PARD3B: variants seen among roughly 807,000 people sequenced by gnomAD.
PARD3B encodes partitioning defective 3 homolog B.
A neutral mutation model predicts 130.2 loss-of-function variants in PARD3B; 103 were observed. That is an observed-to-expected ratio of 0.79 (90% CI 0.67 to 0.93). The LOEUF (loss-of-function observed/expected upper bound fraction) is 0.93. Among genes scored for constraint, PARD3B ranks in the 40% least tolerant of loss-of-function variants. The probability of loss-of-function intolerance (pLI) is 0.00; values close to 1 mark genes in which losing one functional copy is unlikely to be tolerated. For missense variants in PARD3B, 1,609 were observed against 1,499.2 expected (o/e 1.07, Z -1.21); for synonymous variants, 583 against 553.2 (o/e 1.05, Z -0.76).
chr2:204,902,668 C>CAAAAA (rs5837941), intron 2 of PARD3B, among the ~76,000 whole-genome samples: 42 of 67,628 alleles, frequency 6.2e-4, no homozygotes, highest in African/African-American at 1.5e-3. Context: ...GACTCTGTCT[C>CAAAAA]AAAAAAAAAA....
At chr2:204,739,131 G>C (rs1416376923) in intron 2 of PARD3B, among the ~76,000 whole-genome samples, 1 of 152,100 alleles carries the variant, frequency 6.6e-6, no homozygotes, top group Non-Finnish European at 1.5e-5. Flanking sequence ...TTTATCACCT[G>C]CCTATTTATT....
intron 2 of PARD3B, among the ~76,000 whole-genome samples, chr2:204,939,145 T>C (rs1349917795): frequency 6.6e-6 from 1 of 152,174 alleles, no homozygotes; most frequent in African/African-American, 2.4e-5. Context: ...TATTTCTTAC[T>C]CTTTTCTTCA....
At chr2:204,813,475 A>T (rs1358885413) in intron 2 of PARD3B, among the ~76,000 whole-genome samples, 1 of 152,044 alleles carries the variant, frequency 6.6e-6, no homozygotes, top group Non-Finnish European at 1.5e-5. Context: ...GCTGTGGATT[A>T]TCTTCTTATT....
chr2:204,548,552 A>G (rs1429649271), intron 1 of PARD3B, among the ~76,000 whole-genome samples: 2 of 152,210 alleles, frequency 1.3e-5, no homozygotes, highest in Non-Finnish European at 1.5e-5. Context: ...TTAACTGCAT[A>G]GCCTAGTACT....
intron 1 of PARD3B, among the ~76,000 whole-genome samples, chr2:204,626,849 C>T (rs1486910605): frequency 2.0e-5 from 3 of 151,890 alleles, no homozygotes; most frequent in Non-Finnish European, 4.4e-5. Context: ...AAAAGAATTT[C>T]ACAGGAACAC....
chr2:204,831,476 C>G (rs918674540), intron 2 of PARD3B, among the ~76,000 whole-genome samples: 1 of 152,166 alleles, frequency 6.6e-6, no homozygotes, highest in Non-Finnish European at 1.5e-5. Flanking sequence ...AGAAATAAAA[C>G]TGCTCTTACT....
chr2:205,178,280 TACTC>T (rs1169970758), intron 13 of PARD3B, among the ~76,000 whole-genome samples: 1 of 112,278 alleles, frequency 8.9e-6, no homozygotes, highest in African/African-American at 3.5e-5. Flanking sequence ...AAAAAAAAAA[TACTC>T]AGTATGTCTT....
At position 205,585,557 on chromosome 2, in the gene PARD3B, C is replaced by G. The variant is rs1475340022; in HGVS notation, c.3261-29899C>G. Among the ~76,000 whole-genome samples the G allele has an allele frequency of 7.2e-5, 11 of 152,154 alleles. No individual in the cohort carries two copies. Among genetic ancestry groups the G allele is most frequent in the Non-Finnish European group, 1.5e-4 (10 of 68,030 alleles). The stretch of plus-strand genomic sequence containing the variant: ...GAGCAGGCCAGCTGTGTGGCAGGGA[C>G]TGTTGGTGCAGGTCACTTCTCCAGG... On this transcript the variant is annotated intron_variant, in intron 22 of 22. Coordinates refer to ENST00000406610, the MANE Select transcript of PARD3B (RefSeq NM_001302769.2). This position sits in a 1 kb window ranked among gnomAD's most constrained non-coding sequence, Gnocchi z 5.4.
rs1040127955 is a variant in PARD3B at position 205,183,663 on chromosome 2, G to A, written c.1925-2101G>A. ...TACCTCCACATCAGTCTAGTGCCTG[G>A]GGCAGAGCTTGGAGCAAGTCCTTGC... On this transcript the variant is annotated intron_variant, in intron 13 of 22. Coordinates refer to ENST00000406610, the MANE Select transcript of PARD3B (RefSeq NM_001302769.2). This position sits in a 1 kb window ranked among gnomAD's most constrained non-coding sequence, Gnocchi z 5.2. Among the ~76,000 whole-genome samples the A allele has an allele frequency of 4.6e-5, 7 of 152,020 alleles. 1 individual carries two copies. The South Asian group carries it at 1.0e-3, about 23-fold the overall frequency.
intron 22 of PARD3B, among the ~76,000 whole-genome samples, chr2:205,610,513 A>C (rs1357757413): frequency 6.6e-6 from 1 of 152,286 alleles, no homozygotes; most frequent in African/African-American, 2.4e-5. Flanking sequence ...TTTCCAGTTA[A>C]TCTTGAGTCA....
intron 2 of PARD3B, among the ~76,000 whole-genome samples, chr2:204,753,175 T>A (rs1478870620): frequency 1.3e-5 from 2 of 152,166 alleles, no homozygotes; most frequent in South Asian, 4.1e-4. Context: ...AAAAAGTAAA[T>A]TATCATTGAA....
At chr2:204,946,312 T>G (rs367575311) in intron 2 of PARD3B, among the ~76,000 whole-genome samples, 1 of 152,222 alleles carries the variant, frequency 6.6e-6, no homozygotes, top group South Asian at 2.1e-4. Flanking sequence ...CATCCAGCAT[T>G]ACTAAACACA....
In PARD3B at chr2:204,975,302, A is replaced by G. The variant is rs192767917; in HGVS notation, c.394+9979A>G. 3.9e-5 allele frequency among the ~76,000 whole-genome samples: 6 copies of G among 152,254 alleles called. No individual in the cohort carries two copies. The East Asian group carries it at 9.6e-4, about 24-fold the overall frequency. ...TTGACTCACTAGTTTGGCCAACTTT[A>G]ATTTTATCTTCTATTAAGCAATTAA... On this transcript the variant is annotated intron_variant, in intron 3 of 22. Transcript: ENST00000406610.
chr2:205,337,542 G>C (rs2043357464), intron 18 of PARD3B, among the ~76,000 whole-genome samples: 3 of 152,126 alleles, frequency 2.0e-5, no homozygotes, highest in Admixed American at 2.0e-4. Context: ...TATGCTCTTT[G>C]ACTTTTTGGT....
intron 1 of PARD3B, among the ~76,000 whole-genome samples, chr2:204,608,371 T>C (rs1413023897): frequency 1.3e-5 from 2 of 152,178 alleles, no homozygotes; most frequent in Non-Finnish European, 2.9e-5. Context: ...GAAAGAAATA[T>C]CTGCCCTTTC....
At position 205,288,209 on chromosome 2, in the gene PARD3B, A is replaced by G. The variant is rs746174986; in HGVS notation, c.2186-12321A>G. On this transcript the variant is annotated intron_variant, in intron 16 of 22. Transcript: ENST00000406610. The surrounding 1 kb of genome is among the most constrained non-coding windows in gnomAD (Gnocchi z 4.0). ...GCAGTGCCCCCTGTCCCGTCCACCC[A>G]GACACATAACCCTGAGCACCTCCTG... Among the ~76,000 whole-genome samples the G allele has an allele frequency of 3.3e-5, 5 of 152,172 alleles. No individual in the cohort carries two copies. Among genetic ancestry groups the G allele is most frequent in the Non-Finnish European group, 5.9e-5 (4 of 68,032 alleles).
intron 1 of PARD3B, among the ~76,000 whole-genome samples, chr2:204,591,001 G>T (rs1275586419): frequency 6.6e-6 from 1 of 152,012 alleles, no homozygotes; most frequent in Non-Finnish European, 1.5e-5. Context: ...CTCCAGTTGG[G>T]GTTCAATAAC....
At chr2:204,628,256 TG>T (rs1244704174) in intron 1 of PARD3B, among the ~76,000 whole-genome samples, 1 of 149,070 alleles carries the variant, frequency 6.7e-6, no homozygotes, top group African/African-American at 2.4e-5. Context: ...CTGCAAAGTC[TG>T]TGTGTTAATT....
chr2:205,093,640 T>C (rs1053965442), intron 4 of PARD3B, among the ~76,000 whole-genome samples: 8 of 152,178 alleles, frequency 5.3e-5, no homozygotes, highest in African/African-American at 1.9e-4. Context: ...GCTTTGGGAA[T>C]ATATTTGTGA....
Sources: gnomAD v4.1 joint callset for allele counts (sites outside exome capture counted in the v4.1 genomes callset) on GRCh38, gnomAD v4.1.1 for gene constraint, Gnocchi (gnomAD v3.1) non-coding constraint, MANE v1.5 for transcripts, NCBI Gene and HGNC (gene_info 2026-07-23, HGNC 2026-07-21) for gene names.